SLC20A2: variants seen among roughly 807,000 people sequenced by gnomAD.
The protein encoded by SLC20A2 is solute carrier family 20 member 2, also known as sodium-dependent phosphate transporter 2.
Under a neutral mutation model 61.0 loss-of-function variants are expected in SLC20A2, and 30 were observed. That is an observed-to-expected ratio of 0.49 (90% CI 0.37 to 0.67). SLC20A2 has a LOEUF of 0.67. Among genes scored for constraint, SLC20A2 ranks in the 30% least tolerant of loss-of-function variants. SLC20A2 has a pLI of 0.00. For synonymous variants in SLC20A2, 351 were observed against 353.3 expected, an observed-to-expected ratio of 0.99 and a Z score of 0.07; for missense variants, 626 against 866.4, an observed-to-expected ratio of 0.72 and a Z score of 3.48.
chr8:42,446,837 G>C (rs1805251255), intron 5 of SLC20A2, among the ~76,000 whole-genome samples: 1 of 151,646 alleles, frequency 6.6e-6, no homozygotes, highest in East Asian at 1.9e-4. Flanking sequence ...ATAAGGATCT[G>C]GGAGAATTTA....
Position 42,438,000 on chromosome 8 carries a change from A to C in SLC20A2, c.935-423T>G, listed in dbSNP as rs1804435730. ...AAGGCTGGGGATGACTTATTAACAT[A>C]TACTTTCTTTTCTAAGTTGGCCATA... On this transcript the variant is annotated intron_variant, in intron 7 of 10. Transcript: ENST00000520262. The surrounding 1 kb of genome is among the most constrained non-coding windows in gnomAD (Gnocchi z 6.4). Among the ~76,000 whole-genome samples the C allele has an allele frequency of 6.9e-6, 1 of 144,912 alleles. No homozygotes were observed. Among genetic ancestry groups the C allele is most frequent in the Non-Finnish European group, 1.5e-5 (1 of 66,664 alleles).
At chr8:42,522,162 C>T (rs1811637750) in intron 1 of SLC20A2, among the ~76,000 whole-genome samples, 1 of 120,684 alleles carries the variant, frequency 8.3e-6, no homozygotes, top group Non-Finnish European at 2.0e-5. Flanking sequence ...AGAAGACTGC[C>T]AGAATAATAG....
rs537285797 is a variant in SLC20A2 at position 42,419,670 on chromosome 8, C to A, written c.1795-1703G>T. 1.1e-5 allele frequency: 11 copies of A among 964,104 alleles called. No homozygotes were observed. The South Asian group carries it at 4.8e-4, about 42-fold the overall frequency. The allele number at this position is 964,104 out of a possible 1,614,324, so 59.7% of individuals were successfully genotyped here. A position where few individuals can be genotyped will look rare whatever the true frequency, so the allele number is the denominator to read the frequency against. ...TTTCCTCTCCCAACGTGTTTTAGGA[C>A]CTTAATACATAATGACAAATAGTTT... On this transcript the variant is annotated intron_variant, in intron 10 of 10. Coordinates refer to ENST00000520262, the MANE Select transcript of SLC20A2 (RefSeq NM_001257180.2).
chr8:42,454,576 T>C (rs1805986703), intron 5 of SLC20A2, among the ~76,000 whole-genome samples: 1 of 151,720 alleles, frequency 6.6e-6, no homozygotes, highest in Non-Finnish European at 1.5e-5. Flanking sequence ...GAATAAATAC[T>C]GGTTGTGCTT....
At chr8:42,450,438 A>G (rs187457994) in intron 5 of SLC20A2, among the ~76,000 whole-genome samples, 24 of 151,626 alleles carry the variant, frequency 1.6e-4, no homozygotes, top group African/African-American at 5.1e-4. Context: ...ATATTGGCCA[A>G]CCTGGTCTCG....
intron 9 of SLC20A2, 152 bp downstream of exon 9, chr8:42,429,912 C>T (rs1044882553): frequency 5.2e-6 from 3 of 573,982 alleles, no homozygotes; most frequent in Non-Finnish European, 8.8e-6. Flanking sequence ...AGGTGGCATG[C>T]TAGGTGGGGC....
Position 42,437,255 on chromosome 8 carries a change from G to A in SLC20A2, c.1257C>T (p.Asp419=). The change falls in exon 8 of 11, where the codon GAC becomes GAT. Residue 419 remains aspartate (D), a synonymous_variant. Coordinates refer to ENST00000520262, the MANE Select transcript of SLC20A2 (RefSeq NM_001257180.2). This position sits in a 1 kb window ranked among gnomAD's most constrained non-coding sequence, Gnocchi z 6.4. ...APEDSEKLVG[D]TVSYSKKRLR... Reference sequence around the variant, plus strand: ...GCCTCTTCTTGGAGTAGGACACGGTGTCGCCCACCAGCTTCTCACTGTCCT... The same window carrying A: ...GCCTCTTCTTGGAGTAGGACACGGTATCGCCCACCAGCTTCTCACTGTCCT... The A allele has an allele frequency of 1.2e-6, 2 of 1,614,000 alleles. No homozygotes were observed. The highest frequency in any genetic ancestry group is 1.7e-6 in the Non-Finnish European group (2 of 1,180,024).
At chr8:42,459,187 G>C (rs572403387) in intron 5 of SLC20A2, among the ~76,000 whole-genome samples, 2 of 123,404 alleles carry the variant, frequency 1.6e-5, no homozygotes, top group Non-Finnish European at 3.1e-5. Context: ...AGTTTTCCAA[G>C]ATAGCGCGAT....
intron 3 of SLC20A2, among the ~76,000 whole-genome samples, chr8:42,464,254 C>A (rs1318457153): frequency 2.0e-5 from 3 of 148,974 alleles, no homozygotes; most frequent in African/African-American, 7.4e-5. Context: ...ACTACAAGTG[C>A]GCACCATCAC....
intron 1 of SLC20A2, among the ~76,000 whole-genome samples, chr8:42,475,045 C>T (rs1420735655): frequency 6.6e-6 from 1 of 152,048 alleles, no homozygotes; most frequent in Non-Finnish European, 1.5e-5. Flanking sequence ...TAAAGACTGG[C>T]CACCATGTGG....
chr8:42,469,825 G>A (rs529080572), intron 2 of SLC20A2, among the ~76,000 whole-genome samples: 4 of 151,834 alleles, frequency 2.6e-5, no homozygotes, highest in Admixed American at 6.6e-5. Context: ...CTACTTAGGA[G>A]GCTGAGGCAG....
chr8:42,538,423 CA>C (rs1812846377), intron 1 of SLC20A2: 1 of 152,114 alleles, frequency 6.6e-6, no homozygotes. Flanking sequence ...GATTCACTGT[CA>C]CAGAGTGTGG....
Position 42,448,850 on chromosome 8 carries a change from G to T in SLC20A2, c.614-4088C>A, listed in dbSNP as rs142820266. Among the ~76,000 whole-genome samples the T allele has an allele frequency of 7.6e-3, 1,165 of 152,314 alleles. 8 individuals carry two copies. The highest frequency in any genetic ancestry group is 0.026 in the African/African-American group (1,087 of 41,570). ...ATTCCAGCAGTTTGGTGATTTAGCA[G>T]AGAATCAGATGAGCACAAGGATTTA... On this transcript the variant is annotated intron_variant, in intron 5 of 10. Transcript: ENST00000520262.
At chr8:42,525,497 G>C (rs1306990538) in intron 1 of SLC20A2, among the ~76,000 whole-genome samples, 1 of 145,712 alleles carries the variant, frequency 6.9e-6, no homozygotes, top group East Asian at 2.0e-4. Context: ...CAGGAGAATT[G>C]CTCACACCTG....
At chr8:42,486,021 G>A (rs1170552728) in intron 1 of SLC20A2, among the ~76,000 whole-genome samples, 1 of 151,968 alleles carries the variant, frequency 6.6e-6, no homozygotes, top group East Asian at 1.9e-4. Flanking sequence ...ATAAACTGGA[G>A]GGCAACCAGA....
intron 5 of SLC20A2, among the ~76,000 whole-genome samples, chr8:42,455,609 G>A (rs1219280171): frequency 2.6e-5 from 4 of 151,694 alleles, no homozygotes; most frequent in Admixed American, 6.6e-5. Context: ...GCAGTGAGCC[G>A]AGATTGCTGG....
chr8:42,460,551 C>T (rs932888097), intron 4 of SLC20A2, among the ~76,000 whole-genome samples: 2 of 152,186 alleles, frequency 1.3e-5, no homozygotes, highest in Admixed American at 1.3e-4. Flanking sequence ...CGAATCTTTT[C>T]CCAAGGTATA....
chr8:42,421,125 T>G (rs192426380), intron 10 of SLC20A2, among the ~76,000 whole-genome samples: 1 of 152,344 alleles, frequency 6.6e-6, no homozygotes, highest in African/African-American at 2.4e-5. Flanking sequence ...ATATTCAGAT[T>G]ATCTTTTTAT....
intron 1 of SLC20A2, among the ~76,000 whole-genome samples, chr8:42,488,751 GGGTGGA>G (rs912713435): frequency 3.9e-5 from 6 of 152,090 alleles, no homozygotes; most frequent in Non-Finnish European, 4.4e-5. Flanking sequence ...CCATCCTAAT[GGGTGGA>G]GGTGGTAGCT....
Sources: allele counts gnomAD v4.1 joint callset (sites outside exome capture counted in the v4.1 genomes callset), GRCh38; gene constraint gnomAD v4.1.1; non-coding constraint Gnocchi (gnomAD v3.1); transcripts MANE v1.5; gene names NCBI Gene and HGNC (gene_info 2026-07-23, HGNC 2026-07-21).